Variants in LRIG1 observed in about 807,000 individuals in gnomAD.
LRIG1 encodes leucine-rich repeats and immunoglobulin-like domains protein 1.
In LRIG1, 48 loss-of-function variants were observed where a neutral mutation model predicts 99.2. The ratio of observed to expected loss-of-function variants is 0.48; its 90% CI spans 0.38 to 0.62. The LOEUF (loss-of-function observed/expected upper bound fraction) is 0.62. Among genes scored for constraint, LRIG1 ranks in the 20% least tolerant of loss-of-function variants. LRIG1 has a pLI of 0.00. For synonymous variants in LRIG1, 772 were observed against 596.1 expected (o/e 1.29, Z -4.30); for missense variants, 1,646 against 1,434.4 (o/e 1.15, Z -2.38).
At chr3:66,404,470 C>T (rs996010544) in intron 9 of LRIG1, 55 of 1,114,530 alleles carry the variant, frequency 4.9e-5, no homozygotes, top group Admixed American at 4.2e-4. Context: ...GCTGGTTACA[C>T]GCAGAGAAAA....
chr3:66,427,237 A>G (rs1703012938), intron 3 of LRIG1, among the ~76,000 whole-genome samples: 1 of 152,226 alleles, frequency 6.6e-6, no homozygotes, highest in African/African-American at 2.4e-5. Context: ...ACCCACATAC[A>G]GCACGCACTC....
chr3:66,493,835 AAG>A lies in LRIG1; in HGVS notation c.218+6353_218+6354del, dbSNP rs375025046. ...AGAAAGAAAGGAAAGAAAGAAAAAA[AAG>A]AGAGAGAGAGAGAAAGAGAAAGAAA... is the stretch of plus-strand genomic sequence containing the variant. On this transcript the variant is annotated intron_variant, in intron 1 of 18. Transcript: ENST00000273261. Among the ~76,000 whole-genome samples, 51 of 150,406 alleles carry A rather than the reference AAG, an allele frequency of 3.4e-4. 1 individual carries two copies. Among genetic ancestry groups the A allele is most frequent in the African/African-American group, 1.0e-3 (41 of 40,168 alleles).
intron 12 of LRIG1, among the ~76,000 whole-genome samples, chr3:66,388,299 CA>C (rs1474882302): frequency 1.3e-5 from 2 of 151,418 alleles, no homozygotes; most frequent in Admixed American, 6.6e-5. Context: ...TTGAGACAGT[CA>C]ACTGAGATTA....
At chr3:66,460,822 C>T (rs1221015649) in intron 2 of LRIG1, among the ~76,000 whole-genome samples, 5 of 152,192 alleles carry the variant, frequency 3.3e-5, no homozygotes, top group Admixed American at 3.3e-4. Flanking sequence ...CTAGAGAAAC[C>T]ATTTCCAAGG....
chr3:66,388,280 G>A (rs946485974), intron 12 of LRIG1, among the ~76,000 whole-genome samples: 2 of 151,904 alleles, frequency 1.3e-5, no homozygotes, highest in African/African-American at 4.8e-5. Flanking sequence ...GAAGGAGGGG[G>A]CAGGGAACTT....
rs1701260633 is a variant in LRIG1, at chr3:66,497,728, A to AAAG, written c.218+2461_218+2462insCTT. Among the ~76,000 whole-genome samples, 4 of 148,990 alleles carry AAAG rather than the reference A, an allele frequency of 2.7e-5. No individual in the cohort carries two copies. In the South Asian group the frequency reaches 8.6e-4, roughly 32 times the overall value. On this transcript the variant is annotated intron_variant, in intron 1 of 18. Transcript: ENST00000273261. ...ACAAAAAAAAAAAAAAAAAAAAAAAAGGTCCCATAAAGCCACAGGTCCTCT... is the reference window on the plus strand; with the variant it reads ...ACAAAAAAAAAAAAAAAAAAAAAAAAAAGGGTCCCATAAAGCCACAGGTCCTCT...
chr3:66,424,785 A>G (rs1162697075), intron 3 of LRIG1, among the ~76,000 whole-genome samples: 8 of 152,220 alleles, frequency 5.3e-5, no homozygotes, highest in Non-Finnish European at 1.2e-4. Flanking sequence ...TACACATTCA[A>G]TAGAAATTGT....
At chr3:66,409,940 T>G in intron 7 of LRIG1, 189 bp downstream of exon 7, 2 of 525,720 alleles carry the variant, frequency 3.8e-6, no homozygotes, top group Non-Finnish European at 6.7e-6. Context: ...GAAGGGGAGA[T>G]GAGGAAGGGA....
In LRIG1 at chr3:66,379,586, GGACAGATTCTACGCCTTACAGACA is replaced by G. The variant is rs1214197366; in HGVS notation, c.*653_*676del. 3.3e-5 allele frequency: 5 copies of G among 151,324 alleles called. No homozygotes were observed. The highest frequency in any genetic ancestry group is 2.1e-4 in the South Asian group (1 of 4,784). The allele number at this position is 151,324 out of a possible 1,614,324, so 9.4% of individuals were successfully genotyped here. A position where few individuals can be genotyped will look rare whatever the true frequency, so the allele number is the denominator to read the frequency against. The stretch of plus-strand genomic sequence containing the variant: ...AACCCTCATTCTACGCCTTACAGAC[GGACAGATTCTACGCCTTACAGACA>G]GACAGGACTTAAACCTAAAAGGAAA... On this transcript the variant is annotated 3_prime_UTR_variant, in exon 19 of 19. Coordinates refer to ENST00000273261, the MANE Select transcript of LRIG1 (RefSeq NM_015541.3).
At chr3:66,488,881 A>T (rs556761440) in intron 1 of LRIG1, among the ~76,000 whole-genome samples, 1 of 152,358 alleles carries the variant, frequency 6.6e-6, no homozygotes, top group East Asian at 1.9e-4. Context: ...TATTCACTGA[A>T]GGACTGCCTG....
At chr3:66,442,505 T>C (rs757533277) in intron 3 of LRIG1, among the ~76,000 whole-genome samples, 3 of 151,712 alleles carry the variant, frequency 2.0e-5, no homozygotes, top group Non-Finnish European at 4.4e-5. Flanking sequence ...AGACTGTTGA[T>C]ATGGGCTGGA....
intron 3 of LRIG1, among the ~76,000 whole-genome samples, chr3:66,441,550 C>G (rs1341034640): frequency 1.3e-5 from 2 of 152,160 alleles, no homozygotes; most frequent in Non-Finnish European, 2.9e-5. Flanking sequence ...AAGAGCTACC[C>G]AAAGCAAGTT....
intron 1 of LRIG1, among the ~76,000 whole-genome samples, chr3:66,468,598 A>G (rs1472145688): frequency 6.6e-6 from 1 of 152,168 alleles, no homozygotes; most frequent in African/African-American, 2.4e-5. Context: ...GCAATCCAAC[A>G]ACCCAACTTC....
At chr3:66,440,326 G>C (rs1257424506) in intron 3 of LRIG1, among the ~76,000 whole-genome samples, 1 of 152,072 alleles carries the variant, frequency 6.6e-6, no homozygotes, top group African/African-American at 2.4e-5. Flanking sequence ...CTATGAGTGA[G>C]AGCCACCGCT....
At position 66,398,155 on chromosome 3, in the gene LRIG1, C is replaced by A. The variant is rs756587946; in HGVS notation, c.1261G>T (p.Val421Phe). ...LNLGGNAIRS[V>F]QFDAFVKMKN... ...ATCTTCACAAAGGCATCAAACTGGA[C>A]AGATCTGATCGCATTCCCTCCAAGG... The change falls in exon 11 of 19, where the codon GTC becomes TTC. Residue 421 changes from valine (V) to phenylalanine (F), a missense_variant. Val to Phe is a conservative substitution (Grantham distance 50, BLOSUM62 -1). Transcript: ENST00000273261. The A allele has an allele frequency of 6.2e-7, 1 of 1,614,078 alleles. No homozygotes were observed. The highest frequency in any genetic ancestry group is 1.7e-5 in the Admixed American group (1 of 60,028).
intron 1 of LRIG1, among the ~76,000 whole-genome samples, chr3:66,472,137 T>C (rs1700610935): frequency 6.6e-6 from 1 of 151,844 alleles, no homozygotes; most frequent in East Asian, 1.9e-4. Flanking sequence ...ATCCCATCTC[T>C]ACTAAAAATA....
At chr3:66,492,574 A>G (rs1480698385) in intron 1 of LRIG1, among the ~76,000 whole-genome samples, 3 of 152,208 alleles carry the variant, frequency 2.0e-5, no homozygotes, top group Admixed American at 1.3e-4. Context: ...ATCATAAAAG[A>G]TAAGAGATTA....
intron 2 of LRIG1, among the ~76,000 whole-genome samples, chr3:66,460,062 C>T (rs1413024144): frequency 6.6e-6 from 1 of 151,920 alleles, no homozygotes; most frequent in African/African-American, 2.4e-5. Context: ...TTTGGTGTCC[C>T]CATAAATTTT....
chr3:66,476,953 G>A (rs1387767292), intron 1 of LRIG1, among the ~76,000 whole-genome samples: 2 of 152,200 alleles, frequency 1.3e-5, no homozygotes, highest in African/African-American at 4.8e-5. Context: ...GATGCACTGT[G>A]ACGCACGACA....
Sources: allele counts gnomAD v4.1 joint callset (sites outside exome capture counted in the v4.1 genomes callset), GRCh38; gene constraint gnomAD v4.1.1; transcripts MANE v1.5; gene names NCBI Gene and HGNC (gene_info 2026-07-23, HGNC 2026-07-21).